The following ZNF69 variants were observed in gnomAD, a reference collection of about 807,000 sequenced individuals.
The protein encoded by ZNF69 is zinc finger protein 69, also known as ZNF3.
ZNF69 carries 47 observed loss-of-function variants against 50.9 expected under a neutral mutation model. The observed-to-expected ratio is 0.92, with a 90% CI of 0.73 to 1.18. ZNF69 has a LOEUF of 1.18. Ranked by LOEUF, ZNF69 falls within the 50% of genes most tolerant of loss-of-function variation. ZNF69 has a pLI of 0.00. For synonymous variants in ZNF69, 216 were observed against 223.1 expected, an observed-to-expected ratio of 0.97 and a Z score of 0.29; for missense variants, 717 against 675.1, an observed-to-expected ratio of 1.06 and a Z score of -0.69.
At chr19:11,970,490 G>T in the ZNF69 span, among the ~76,000 whole-genome samples, 1 of 152,172 alleles carries the variant, frequency 6.6e-6, no homozygotes, top group Non-Finnish European at 1.5e-5. Flanking sequence ...ACTGTAACAG[G>T]TAACTCTAGA....
chr19:11,945,078 C>T, the ZNF69 span, among the ~76,000 whole-genome samples: 1 of 152,244 alleles, frequency 6.6e-6, no homozygotes, highest in Admixed American at 6.5e-5. Context: ...TGGGTTAGAA[C>T]TCCAACTGCC....
At position 11,903,556 on chromosome 19, in the gene ZNF69, C is replaced by T. The variant is rs527640459; in HGVS notation, c.64-17C>T. 3 of 1,613,792 alleles carry T rather than the reference C, an allele frequency of 1.9e-6. No homozygotes were observed. The highest frequency in any genetic ancestry group is 1.3e-5 in the African/African-American group (1 of 74,916). On this transcript the variant is annotated splice_polypyrimidine_tract_variant and intron_variant, in intron 1 of 3. Transcript: ENST00000429654. ...TCACTCTCACCCATCCTCCTCTACA[C>T]ATGTGAGATGTTTCAGGACCCAGTG...
chr19:11,922,414 G>A, the ZNF69 span, among the ~76,000 whole-genome samples: 1 of 152,116 alleles, frequency 6.6e-6, no homozygotes, highest in South Asian at 2.1e-4. Flanking sequence ...GAGCCAGTGC[G>A]TACCTAAAAT....
chr19:11,936,311 A>G, the ZNF69 span, among the ~76,000 whole-genome samples: 4 of 152,162 alleles, frequency 2.6e-5, no homozygotes, highest in African/African-American at 9.7e-5. Context: ...CCAACAGTGT[A>G]AAAGTGTTCC....
downstream of ZNF69, among the ~76,000 whole-genome samples, chr19:11,918,292 C>T (rs918381271): frequency 6.6e-6 from 1 of 152,094 alleles, no homozygotes; most frequent in African/African-American, 2.4e-5. Flanking sequence ...TGTGATTTGC[C>T]AACACTTTGA....
the ZNF69 span, among the ~76,000 whole-genome samples, chr19:11,922,612 A>T: frequency 2.0e-5 from 3 of 151,920 alleles, no homozygotes; most frequent in African/African-American, 7.3e-5. Flanking sequence ...GATGAATTTG[A>T]TAAAGTTTAA....
the ZNF69 span, chr19:11,979,322 G>A: frequency 5.1e-3 from 8,251 of 1,605,074 alleles, 127 homozygotes; most frequent in Middle Eastern, 0.036. Flanking sequence ...CCACACCTTC[G>A]AAGGCATGGT....
chr19:11,948,972 A>T, the ZNF69 span: 3 of 1,608,810 alleles, frequency 1.9e-6, no homozygotes, highest in Admixed American at 1.7e-5. Flanking sequence ...AAGCATTTGC[A>T]TATACCAGTT....
the ZNF69 span, among the ~76,000 whole-genome samples, chr19:11,947,962 A>G: frequency 6.6e-6 from 1 of 152,242 alleles, no homozygotes; most frequent in Admixed American, 6.5e-5. Context: ...GTAAGCTATG[A>G]TGATATCACT....
In ZNF69 at chr19:11,887,849, T is replaced by C; in HGVS notation, c.-75T>C. 4.3e-6 allele frequency: 6 copies of C among 1,400,386 alleles called. No homozygotes were observed. Among genetic ancestry groups the C allele is most frequent in the South Asian group, 2.3e-5 (2 of 85,550 alleles). The allele number at this position is 1,400,386 out of a possible 1,614,324, so 86.7% of individuals were successfully genotyped here. A position where few individuals can be genotyped will look rare whatever the true frequency, so the allele number is the denominator to read the frequency against. On this transcript the variant is annotated 5_prime_UTR_variant, in exon 1 of 4. Transcript: ENST00000429654. ...CCTTTGTCCCTGCGCGGGCTGCGGC[T>C]GGGATCCGGTCTTTCCAGCCCCGAG...
chr19:11,948,491 A>G, the ZNF69 span: 41 of 1,613,938 alleles, frequency 2.5e-5, no homozygotes, highest in Non-Finnish European at 3.3e-5. Flanking sequence ...GCATATGAGT[A>G]TCAGGAATAT....
the ZNF69 span, among the ~76,000 whole-genome samples, chr19:11,934,719 G>A: frequency 6.8e-6 from 1 of 147,146 alleles, no homozygotes; most frequent in Non-Finnish European, 1.5e-5. Flanking sequence ...TAGAGATGAG[G>A]TTTTACCATG....
downstream of ZNF69, among the ~76,000 whole-genome samples, chr19:11,907,587 G>A (rs1230165138): frequency 6.6e-6 from 1 of 152,152 alleles, no homozygotes; most frequent in Non-Finnish European, 1.5e-5. Context: ...CTTCATAAGT[G>A]AAGGAGAAAT....
the ZNF69 span, chr19:11,949,357 C>A: frequency 6.2e-7 from 1 of 1,613,596 alleles, no homozygotes; most frequent in Non-Finnish European, 8.5e-7. Flanking sequence ...TGGAGAGAAA[C>A]CCTATGAATG....
Position 11,906,095 on chromosome 19 carries a change from A to G in ZNF69, c.1698A>G (p.Gln566=), listed in dbSNP as rs1161801953. 1.9e-6 allele frequency: 3 copies of G among 1,610,368 alleles called. No homozygotes were observed. The highest frequency in any genetic ancestry group is 2.7e-5 in the African/African-American group (2 of 74,800). ...AAGATAAACCCTATGAGTGTAAGCA[A>G]TGAGGGAAAGCCTTCAGATCTGCCT... ...HPEDKPYECK[Q] The change falls in exon 4 of 4, where the codon CAA becomes CAG. Residue 566 remains glutamine, a synonymous_variant. Transcript: ENST00000429654.
chr19:11,963,075 G>A, the ZNF69 span, among the ~76,000 whole-genome samples: 2 of 118,646 alleles, frequency 1.7e-5, no homozygotes, highest in East Asian at 2.0e-4. Context: ...GTAGTTTGGT[G>A]AGAGAGAGAG....
At chr19:11,976,284 A>G in the ZNF69 span, among the ~76,000 whole-genome samples, 1 of 151,770 alleles carries the variant, frequency 6.6e-6, no homozygotes, top group Non-Finnish European at 1.5e-5. Context: ...CACAGTTCAA[A>G]GAGACAGTAG....
At chr19:11,922,957 T>C in the ZNF69 span, among the ~76,000 whole-genome samples, 2 of 151,884 alleles carry the variant, frequency 1.3e-5, no homozygotes, top group Non-Finnish European at 2.9e-5. Flanking sequence ...TGATTACAGG[T>C]ACACACCACC....
chr19:11,952,560 A>C, the ZNF69 span, among the ~76,000 whole-genome samples: 14 of 152,344 alleles, frequency 9.2e-5, no homozygotes, highest in East Asian at 2.7e-3. Flanking sequence ...ACTTCCCTTA[A>C]GGTACCAATG....
Sources: allele counts gnomAD v4.1 joint callset (sites outside exome capture counted in the v4.1 genomes callset), GRCh38; gene constraint gnomAD v4.1.1; transcripts MANE v1.5; gene names NCBI Gene and HGNC (gene_info 2026-07-23, HGNC 2026-07-21).